Variants in COMMD10 observed in about 807,000 individuals in gnomAD.
COMMD10 encodes the protein COMM domain-containing protein 10.
COMMD10 carries 33 observed loss-of-function variants against 28.9 expected under a neutral mutation model. The ratio of observed to expected loss-of-function variants is 1.14; its 90% confidence interval spans 0.87 to 1.53. COMMD10 has a LOEUF of 1.53. Among genes scored for constraint, COMMD10 ranks in the 40% most tolerant of loss-of-function variants. COMMD10 has a pLI of 0.00. For missense variants in COMMD10, 310 were observed against 233.4 expected (o/e 1.33, Z -2.14); for synonymous variants, 110 against 81.7 (o/e 1.35, Z -1.87).
At chr5:116,085,397 G>C (rs1423731626) in intron 1 of COMMD10, 3 of 415,804 alleles carry the variant, frequency 7.2e-6, no homozygotes, top group South Asian at 4.5e-5. Flanking sequence ...TTTGGTATCA[G>C]AAGTTCCCGG....
chr5:116,118,242 T>C (rs1045984863), intron 4 of COMMD10, among the ~76,000 whole-genome samples: 1 of 152,210 alleles, frequency 6.6e-6, no homozygotes, highest in African/African-American at 2.4e-5. Context: ...TATTATCTTA[T>C]TTTTCTCCAT....
intron 5 of COMMD10, among the ~76,000 whole-genome samples, chr5:116,261,547 C>T (rs1750444023): frequency 2.0e-5 from 3 of 151,762 alleles, no homozygotes; most frequent in African/African-American, 7.3e-5. Context: ...GTTACCATGA[C>T]TAGAAATTTT....
chr5:116,132,109 T>C (rs926343397), intron 4 of COMMD10, among the ~76,000 whole-genome samples: 1 of 151,904 alleles, frequency 6.6e-6, no homozygotes, highest in Non-Finnish European at 1.5e-5. Context: ...AAGACTATTG[T>C]GATAGTCTGG....
chr5:116,222,618 C>A (rs1405961618), intron 5 of COMMD10, among the ~76,000 whole-genome samples: 2 of 152,134 alleles, frequency 1.3e-5, no homozygotes, highest in Non-Finnish European at 2.9e-5. Context: ...GAAATTATCT[C>A]AGTTTTTCAT....
Position 116,113,349 on chromosome 5 carries a change from T to C in COMMD10, c.399+20649T>C, listed in dbSNP as rs773656803. Among the ~76,000 whole-genome samples the C allele has an allele frequency of 1.3e-4, 20 of 152,044 alleles. 1 individual carries two copies. The highest frequency in any genetic ancestry group is 2.6e-4 in the Admixed American group (4 of 15,238). On this transcript the variant is annotated intron_variant, in intron 4 of 6. Coordinates refer to ENST00000274458, the MANE Select transcript of COMMD10 (RefSeq NM_016144.4). Reference sequence around the variant, plus strand: ...GAGCCTCCTGTATCTATTATGTCTGTATCTCTTGCTAGCCTTGGGAGTTTT... The same window carrying C: ...GAGCCTCCTGTATCTATTATGTCTGCATCTCTTGCTAGCCTTGGGAGTTTT...
intron 4 of COMMD10, among the ~76,000 whole-genome samples, chr5:116,126,295 A>C (rs1156332072): frequency 6.6e-6 from 1 of 152,186 alleles, no homozygotes; most frequent in East Asian, 1.9e-4. Flanking sequence ...AAATGGAAGA[A>C]CATTCCATGC....
chr5:116,281,982 A>T (rs965141179), intron 5 of COMMD10, among the ~76,000 whole-genome samples: 13 of 151,828 alleles, frequency 8.6e-5, no homozygotes, highest in African/African-American at 3.2e-4. Flanking sequence ...ATGGTTTTAA[A>T]TATCATCAAT....
chr5:116,152,528 C>T lies in COMMD10; in HGVS notation c.510+18350C>T, dbSNP rs150738785. Among the ~76,000 whole-genome samples, 3 of 152,150 alleles carry T rather than the reference C, an allele frequency of 2.0e-5. No homozygotes were observed. In the East Asian group the frequency reaches 5.8e-4, roughly 29 times the overall value. On this transcript the variant is annotated intron_variant, in intron 5 of 6. Coordinates refer to ENST00000274458, the MANE Select transcript of COMMD10 (RefSeq NM_016144.4). ...GCTTTCAGCTATAGGACTCAAAAGT[C>T]TACAAATAGCCTCAAAACACCCCAT...
At chr5:116,124,367 A>G (rs1751543556) in intron 4 of COMMD10, among the ~76,000 whole-genome samples, 1 of 152,152 alleles carries the variant, frequency 6.6e-6, no homozygotes, top group African/African-American at 2.4e-5. Context: ...GTTTCCATGT[A>G]CTTATGCAGT....
At chr5:116,175,095 G>C (rs532308636) in intron 5 of COMMD10, among the ~76,000 whole-genome samples, 2 of 152,046 alleles carry the variant, frequency 1.3e-5, no homozygotes, top group Middle Eastern at 3.2e-3. Context: ...GCCACATTCA[G>C]AGTGGACTTT....
At chr5:116,281,456 C>T (rs1419044181) in intron 5 of COMMD10, among the ~76,000 whole-genome samples, 2 of 151,658 alleles carry the variant, frequency 1.3e-5, no homozygotes, top group Non-Finnish European at 2.9e-5. Flanking sequence ...GAATATTAAT[C>T]TTTGCACTTT....
intron 5 of COMMD10, among the ~76,000 whole-genome samples, chr5:116,223,109 T>C (rs1264377472): frequency 6.6e-6 from 1 of 152,188 alleles, no homozygotes; most frequent in Non-Finnish European, 1.5e-5. Context: ...CTTATTTCTT[T>C]GAAGTTGCTA....
At chr5:116,142,266 T>C (rs139864093) in intron 5 of COMMD10, among the ~76,000 whole-genome samples, 225 of 151,998 alleles carry the variant, frequency 1.5e-3, no homozygotes, top group African/African-American at 5.1e-3. Flanking sequence ...CATTATGTTA[T>C]GGCTATGACA....
chr5:116,170,390 C>T (rs1753282121), intron 5 of COMMD10, among the ~76,000 whole-genome samples: 4 of 152,236 alleles, frequency 2.6e-5, no homozygotes, highest in African/African-American at 7.2e-5. Flanking sequence ...GAATCAATAT[C>T]GTGAAAATGA....
chr5:116,149,972 A>G (rs1027658857), intron 5 of COMMD10, among the ~76,000 whole-genome samples: 126 of 152,004 alleles, frequency 8.3e-4, no homozygotes, highest in African/African-American at 2.0e-3. Flanking sequence ...TTTTCTTCTA[A>G]GGTTTTTATG....
At chr5:116,147,050 C>T (rs924523633) in intron 5 of COMMD10, among the ~76,000 whole-genome samples, 4 of 151,692 alleles carry the variant, frequency 2.6e-5, no homozygotes, top group South Asian at 2.1e-4. Flanking sequence ...GTGGCCATCC[C>T]GAGATAGCTA....
At chr5:116,234,184 C>CA (rs1189885818) in intron 5 of COMMD10, among the ~76,000 whole-genome samples, 2 of 152,050 alleles carry the variant, frequency 1.3e-5, no homozygotes, top group African/African-American at 2.4e-5. Context: ...GCCAAAGTAA[C>CA]AAAAGCAGGC....
chr5:116,100,203 A>G (rs1750612008), intron 4 of COMMD10, among the ~76,000 whole-genome samples: 2 of 152,066 alleles, frequency 1.3e-5, no homozygotes, highest in African/African-American at 2.4e-5. Context: ...GGATTTTTGG[A>G]TTAGGGATGC....
chr5:116,219,503 C>T (rs1283491740), intron 5 of COMMD10, among the ~76,000 whole-genome samples: 37 of 152,050 alleles, frequency 2.4e-4, no homozygotes, highest in Non-Finnish European at 5.4e-4. Context: ...TTGACACAGA[C>T]ATACATAAGA....
Sources: gnomAD v4.1 joint callset for allele counts (sites outside exome capture counted in the v4.1 genomes callset) on GRCh38, gnomAD v4.1.1 for gene constraint, MANE v1.5 for transcripts, NCBI Gene and HGNC (gene_info 2026-07-23, HGNC 2026-07-21) for gene names.